Variants in NECTIN1 observed in about 807,000 individuals in gnomAD.
NECTIN1 encodes nectin cell adhesion molecule 1, also known as nectin-1.
Under a neutral mutation model 48.0 loss-of-function variants are expected in NECTIN1, and 23 were observed. That is an observed-to-expected ratio of 0.48 (90% CI 0.34 to 0.68). NECTIN1 has a LOEUF of 0.68. Among genes scored for constraint, NECTIN1 ranks in the 30% least tolerant of loss-of-function variants. The pLI is 0.01. For missense variants in NECTIN1, 591 were observed against 709.9 expected, an observed-to-expected ratio of 0.83 and a Z score of 1.90; for synonymous variants, 270 against 288.9, an observed-to-expected ratio of 0.93 and a Z score of 0.66.
chr11:119,683,641 C>T lies in NECTIN1; in HGVS notation c.80-4876G>A, dbSNP rs1865101536. 6.6e-6 allele frequency among the ~76,000 whole-genome samples: 1 copy of T among 151,090 alleles called. No individual in the cohort carries two copies. The highest frequency in any genetic ancestry group is 1.5e-5 in the Non-Finnish European group (1 of 67,876). On this transcript the variant is annotated intron_variant, in intron 1 of 5. Coordinates refer to ENST00000264025, the MANE Select transcript of NECTIN1 (RefSeq NM_002855.5). The surrounding 1 kb of genome is among the most constrained non-coding windows in gnomAD (Gnocchi z 4.0). The stretch of plus-strand genomic sequence containing the variant: ...TTGCAGGAGGCTGCTATGTGCTGAG[C>T]AATAAGAGCTAGAGAGGTGGGGAGT...
chr11:119,663,607 C>A lies in NECTIN1; in HGVS notation c.*1140G>T, dbSNP rs1864707251. The A allele has an allele frequency of 2.2e-5, 22 of 985,680 alleles. No individual in the cohort carries two copies. The highest frequency in any genetic ancestry group is 2.7e-5 in the Non-Finnish European group (22 of 829,992). 61.1% of individuals were successfully genotyped at this position (985,680 alleles called of 1,614,324 possible). On this transcript the variant is annotated 3_prime_UTR_variant, in exon 6 of 6. Transcript: ENST00000264025. ...GAGCTTCTGCCATGTGGGCTTCCTT[C>A]CCCACTACCCTCCGTGTGGATGCTT...
intron 1 of NECTIN1, among the ~76,000 whole-genome samples, chr11:119,725,398 C>T (rs1440194909): frequency 6.6e-6 from 1 of 152,190 alleles, no homozygotes; most frequent in Non-Finnish European, 1.5e-5. Flanking sequence ...GCCTTCCGGG[C>T]CACTCAGCCA....
intron 1 of NECTIN1, among the ~76,000 whole-genome samples, chr11:119,693,738 G>A (rs560058111): frequency 5.9e-5 from 9 of 152,270 alleles, no homozygotes; most frequent in South Asian, 2.1e-4. Flanking sequence ...CGGTGAAGCC[G>A]GGCTTCCCCA....
At chr11:119,674,403 C>T (rs1446541549) in intron 5 of NECTIN1, 1 of 1,516,112 alleles carries the variant, frequency 6.6e-7, no homozygotes, top group African/African-American at 1.4e-5. Context: ...AATCACGGAA[C>T]ATTGGCCATT....
At chr11:119,724,654 C>T (rs539454718) in intron 1 of NECTIN1, among the ~76,000 whole-genome samples, 9 of 152,272 alleles carry the variant, frequency 5.9e-5, no homozygotes, top group East Asian at 1.9e-4. Flanking sequence ...AATATACATT[C>T]GATGTTATAT....
rs540347686 is a variant in NECTIN1, at chr11:119,661,907, C to T, written c.*2840G>A. On this transcript the variant is annotated 3_prime_UTR_variant, in exon 6 of 6. Transcript: ENST00000264025. Reference sequence around the variant, plus strand: ...TGTGAGTGTGTCCACTGTGGGCACACGTACTGGGTCTGAGGTGGTCGCACT... The same window carrying T: ...TGTGAGTGTGTCCACTGTGGGCACATGTACTGGGTCTGAGGTGGTCGCACT... 54 of 985,320 alleles carry T rather than the reference C, an allele frequency of 5.5e-5. No individual in the cohort carries two copies. The African/African-American group carries it at 9.1e-4, about 17-fold the overall frequency. The allele number at this position is 985,320 out of a possible 1,614,324, so 61.0% of individuals were successfully genotyped here.
rs890704777 is a variant in NECTIN1 at position 119,684,198 on chromosome 11, T to C, written c.80-5433A>G. ...GGCTGGAACTGGGCTCAGGGGTAGG[T>C]GAAAGTGGGTACCTAGGTGAGGCGA... On this transcript the variant is annotated intron_variant, in intron 1 of 5. Transcript: ENST00000264025. The surrounding 1 kb of genome is among the most constrained non-coding windows in gnomAD (Gnocchi z 5.2). Among the ~76,000 whole-genome samples, 1 of 152,080 alleles carries C rather than the reference T, an allele frequency of 6.6e-6. No individual in the cohort carries two copies. Among genetic ancestry groups the C allele is most frequent in the African/African-American group, 2.4e-5 (1 of 41,416 alleles).
chr11:119,688,044 A>T (rs1865190241), intron 1 of NECTIN1, among the ~76,000 whole-genome samples: 3 of 152,076 alleles, frequency 2.0e-5, no homozygotes, highest in Non-Finnish European at 4.4e-5. Context: ...GAGGGGTAGA[A>T]AGTAATCTAT....
chr11:119,718,677 A>T (rs954586708), intron 1 of NECTIN1, among the ~76,000 whole-genome samples: 3 of 152,198 alleles, frequency 2.0e-5, no homozygotes, highest in African/African-American at 7.2e-5. Flanking sequence ...ACCGTGAGAC[A>T]TGGTGTGTGT....
Position 119,677,770 on chromosome 11 carries a change from G to T in NECTIN1, c.518C>A (p.Thr173Asn). 2 of 1,614,170 alleles carry T rather than the reference G, an allele frequency of 1.2e-6. No individual in the cohort carries two copies. The highest frequency in any genetic ancestry group is 1.7e-6 in the Non-Finnish European group (2 of 1,180,016). The part of the protein sequence containing the change: ...QDDKVLVATC[T>N]SANGKPPSVV... ...ACTGGGAGGCTTCCCATTGGCTGAGGTGCAGGTGGCCACCAGGACCTTGTC... is the reference window on the plus strand; with the variant it reads ...ACTGGGAGGCTTCCCATTGGCTGAGTTGCAGGTGGCCACCAGGACCTTGTC... The change falls in exon 3 of 6, where the codon ACC becomes AAC. Residue 173 changes from threonine (T) to asparagine (N), a missense_variant. Physicochemically the swap from Thr to Asn is moderately conservative, Grantham distance 65. Transcript: ENST00000264025. The surrounding 1 kb of genome is among the most constrained non-coding windows in gnomAD (Gnocchi z 5.4).
chr11:119,674,426 G>T, intron 5 of NECTIN1: 1 of 1,548,000 alleles, frequency 6.5e-7, no homozygotes, highest in South Asian at 1.2e-5. Flanking sequence ...TTGACAGACT[G>T]ATCTGTGCTA....
chr11:119,667,538 T>G (rs1864795265), intron 5 of NECTIN1, among the ~76,000 whole-genome samples: 1 of 152,192 alleles, frequency 6.6e-6, no homozygotes, highest in African/African-American at 2.4e-5. Context: ...AGAAGGCTTC[T>G]TGGAGGAGGC....
rs1864693290 is a variant in NECTIN1 at position 119,663,016 on chromosome 11, A to AGGCAG, written c.*1730_*1731insCTGCC. 1 of 818,520 alleles carries AGGCAG rather than the reference A, an allele frequency of 1.2e-6. No individual in the cohort carries two copies. The highest frequency in any genetic ancestry group is 2.2e-5 in the African/African-American group (1 of 44,574). The allele number at this position is 818,520 out of a possible 1,614,324, so 50.7% of individuals were successfully genotyped here. A position where few individuals can be genotyped will look rare whatever the true frequency, so the allele number is the denominator to read the frequency against. ...TGGCAGGGGGTTCAATAGCAGCACC[A>AGGCAG]GGGAGGGGAGGGGAGGGGTTGGGGG... On this transcript the variant is annotated 3_prime_UTR_variant, in exon 6 of 6. Coordinates refer to ENST00000264025, the MANE Select transcript of NECTIN1 (RefSeq NM_002855.5).
In NECTIN1 at chr11:119,672,614, C is replaced by G. The variant is rs1864877457; in HGVS notation, c.1003+2545G>C. On this transcript the variant is annotated intron_variant, in intron 5 of 5. Transcript: ENST00000264025. The surrounding 1 kb of genome is among the most constrained non-coding windows in gnomAD (Gnocchi z 4.3). ...GGTGTGCCGGTGCCATCCACACAGC[C>G]CCCTGAATGCTCAGTCTAACCCACA... Among the ~76,000 whole-genome samples, 1 of 152,180 alleles carries G rather than the reference C, an allele frequency of 6.6e-6. No individual in the cohort carries two copies. Among genetic ancestry groups the G allele is most frequent in the African/African-American group, 2.4e-5 (1 of 41,436 alleles).
intron 5 of NECTIN1, among the ~76,000 whole-genome samples, chr11:119,645,031 C>T (rs1201959146): frequency 6.6e-6 from 1 of 152,214 alleles, no homozygotes; most frequent in Admixed American, 6.5e-5. Flanking sequence ...CTCCCCAGGG[C>T]AGCCACTTGG....
intron 5 of NECTIN1, among the ~76,000 whole-genome samples, chr11:119,649,261 G>A (rs542128799): frequency 2.6e-5 from 4 of 151,936 alleles, no homozygotes; most frequent in East Asian, 1.9e-4. Flanking sequence ...TGCGCCTGTC[G>A]TCCCAGCTAC....
At chr11:119,711,090 A>G (rs1865636438) in intron 1 of NECTIN1, among the ~76,000 whole-genome samples, 1 of 48,174 alleles carries the variant, frequency 2.1e-5, no homozygotes, top group Non-Finnish European at 4.1e-5. Flanking sequence ...AAACAGAAAG[A>G]AAGGGGCACG....
chr11:119,655,066 C>A (rs558483074), intron 5 of NECTIN1, among the ~76,000 whole-genome samples: 2 of 151,684 alleles, frequency 1.3e-5, no homozygotes, highest in Non-Finnish European at 2.9e-5. Context: ...CCCACCACCA[C>A]GCCTGGCTAA....
At chr11:119,714,686 A>G (rs1230781318) in intron 1 of NECTIN1, among the ~76,000 whole-genome samples, 1 of 148,320 alleles carries the variant, frequency 6.7e-6, no homozygotes. Flanking sequence ...TAATTCCTTA[A>G]TTCCTACTGG....
Sources: allele counts gnomAD v4.1 joint callset (sites outside exome capture counted in the v4.1 genomes callset), GRCh38; gene constraint gnomAD v4.1.1; non-coding constraint Gnocchi (gnomAD v3.1); transcripts MANE v1.5; gene names NCBI Gene and HGNC (gene_info 2026-07-23, HGNC 2026-07-21).